Variants in ANTXR2 observed in about 807,000 individuals in gnomAD.
ANTXR2 encodes anthrax toxin receptor 2.
ANTXR2 carries 44 observed loss-of-function variants against 73.7 expected under a neutral mutation model. That is an observed-to-expected ratio of 0.60 (90% CI 0.47 to 0.77). The LOEUF is 0.77. Ranked by LOEUF, ANTXR2 falls within the 30% of genes least tolerant of loss-of-function variation. The pLI is 0.00. For missense variants in ANTXR2, 604 were observed against 592.5 expected (o/e 1.02, Z -0.20); for synonymous variants, 217 against 205.9 (o/e 1.05, Z -0.46).
chr4:80,025,258 T>C (rs972478347), intron 10 of ANTXR2, among the ~76,000 whole-genome samples: 3 of 152,216 alleles, frequency 2.0e-5, no homozygotes, highest in Admixed American at 2.0e-4. Context: ...CACATACTTC[T>C]ATTTAATGTC....
In ANTXR2 at chr4:80,072,881, G is replaced by T; in HGVS notation, c.-321C>A. 2.8e-6 allele frequency: 1 copy of T among 360,718 alleles called. No homozygotes were observed. Among genetic ancestry groups the T allele is most frequent in the Non-Finnish European group, 4.4e-6 (1 of 227,616 alleles). 22.3% of individuals were successfully genotyped at this position (360,718 alleles called of 1,614,324 possible). ...ATGCGGGCCCACGGCGACAGCTCGC[G>T]AAAGGAGTTCCTCTCCGGCCTGGGG... On this transcript the variant is annotated 5_prime_UTR_variant, in exon 1 of 17. Coordinates refer to ENST00000403729, the MANE Select transcript of ANTXR2 (RefSeq NM_058172.6).
At chr4:79,981,287 A>C (rs1729878426) in intron 14 of ANTXR2, among the ~76,000 whole-genome samples, 1 of 152,214 alleles carries the variant, frequency 6.6e-6, no homozygotes, top group Non-Finnish European at 1.5e-5. Flanking sequence ...AAAACCTGAA[A>C]CCCATGAAGT....
intron 11 of ANTXR2, among the ~76,000 whole-genome samples, chr4:80,016,375 T>C (rs538977122): frequency 1.3e-5 from 2 of 152,248 alleles, no homozygotes; most frequent in African/African-American, 4.8e-5. Context: ...CCATCCCCTT[T>C]CTTTGCTGAC....
chr4:80,058,359 C>A (rs1398432481), intron 3 of ANTXR2, among the ~76,000 whole-genome samples: 1 of 152,024 alleles, frequency 6.6e-6, no homozygotes, highest in African/African-American at 2.4e-5. Flanking sequence ...CACTCAATCC[C>A]ATCATTACTT....
chr4:79,992,231 G>GTC (rs1400418116), intron 12 of ANTXR2, among the ~76,000 whole-genome samples: 1 of 151,862 alleles, frequency 6.6e-6, no homozygotes, highest in African/African-American at 2.4e-5. Flanking sequence ...ACATATATTA[G>GTC]TCTCTCTCTT....
At chr4:80,047,486 G>A (rs1360122849) in intron 7 of ANTXR2, among the ~76,000 whole-genome samples, 1 of 151,628 alleles carries the variant, frequency 6.6e-6, no homozygotes, top group Admixed American at 6.6e-5. Context: ...TATGAATAGT[G>A]CTCCTTTCTA....
chr4:80,041,626 C>G (rs1225593690), intron 7 of ANTXR2, among the ~76,000 whole-genome samples: 2 of 151,984 alleles, frequency 1.3e-5, no homozygotes, highest in Non-Finnish European at 2.9e-5. Flanking sequence ...CTCCCCACCC[C>G]ACCCTCAACA....
chr4:79,949,558 C>T (rs1350602744), intron 16 of ANTXR2, among the ~76,000 whole-genome samples: 1 of 152,106 alleles, frequency 6.6e-6, no homozygotes, highest in Non-Finnish European at 1.5e-5. Context: ...TCTTCAGTGG[C>T]CCAAGAATTT....
intron 16 of ANTXR2, among the ~76,000 whole-genome samples, chr4:79,953,398 C>T (rs1330035326): frequency 1.3e-5 from 2 of 152,046 alleles, no homozygotes; most frequent in Non-Finnish European, 2.9e-5. Flanking sequence ...AGTAAATTCA[C>T]AGTAAATTTA....
intron 7 of ANTXR2, among the ~76,000 whole-genome samples, chr4:80,048,656 G>A (rs1014019217): frequency 6.6e-6 from 1 of 151,608 alleles, no homozygotes; most frequent in Admixed American, 6.6e-5. Context: ...GTGTTTATTA[G>A]GTTCCCTCTT....
chr4:79,991,867 C>A (rs1730486673), intron 12 of ANTXR2, among the ~76,000 whole-genome samples: 1 of 152,030 alleles, frequency 6.6e-6, no homozygotes, highest in South Asian at 2.1e-4. Flanking sequence ...AAACCAAGTA[C>A]TACAGGTTCT....
At chr4:80,008,074 T>C (rs758842381) in intron 12 of ANTXR2, among the ~76,000 whole-genome samples, 18 of 152,144 alleles carry the variant, frequency 1.2e-4, no homozygotes, top group Non-Finnish European at 2.5e-4. Flanking sequence ...GCATGACTAA[T>C]TTCCGAACAA....
chr4:80,027,075 T>C (rs961567664), intron 10 of ANTXR2, among the ~76,000 whole-genome samples: 5 of 152,144 alleles, frequency 3.3e-5, no homozygotes, highest in Non-Finnish European at 7.4e-5. Context: ...ATGATTCTAA[T>C]GTTCATATTC....
chr4:80,020,351 A>C (rs1293875072), intron 10 of ANTXR2, among the ~76,000 whole-genome samples: 1 of 152,038 alleles, frequency 6.6e-6, no homozygotes, highest in Non-Finnish European at 1.5e-5. Context: ...GAGCCACTGC[A>C]CTCCAGCTTC....
chr4:79,936,993 A>C (rs977482479), intron 16 of ANTXR2, among the ~76,000 whole-genome samples: 2 of 152,190 alleles, frequency 1.3e-5, no homozygotes, highest in Admixed American at 1.3e-4. Flanking sequence ...GTATTCATTC[A>C]ATCATTTTAA....
chr4:79,937,210 G>T (rs1311924211), intron 16 of ANTXR2, among the ~76,000 whole-genome samples: 2 of 151,934 alleles, frequency 1.3e-5, no homozygotes, highest in Non-Finnish European at 2.9e-5. Context: ...TATTCTTAAT[G>T]AAGCAATTGC....
intron 4 of ANTXR2, 50 bp downstream of exon 4, chr4:80,055,882 C>G: frequency 7.7e-7 from 1 of 1,304,762 alleles, no homozygotes; most frequent in Non-Finnish European, 1.0e-6. Flanking sequence ...TATTTCACCA[C>G]AGAATAAGAA....
chr4:79,995,890 A>G (rs1010679817), intron 12 of ANTXR2, among the ~76,000 whole-genome samples: 1 of 152,024 alleles, frequency 6.6e-6, no homozygotes, highest in African/African-American at 2.4e-5. Context: ...AACCACCATC[A>G]CAACAAATAA....
chr4:79,929,042 A>G (rs1235031324), intron 16 of ANTXR2, among the ~76,000 whole-genome samples: 3 of 152,172 alleles, frequency 2.0e-5, no homozygotes, highest in Admixed American at 6.6e-5. Context: ...CTAATAATTT[A>G]GAGTGCGGGG....
Sources: gnomAD v4.1 joint callset for allele counts (sites outside exome capture counted in the v4.1 genomes callset) on GRCh38, gnomAD v4.1.1 for gene constraint, MANE v1.5 for transcripts, NCBI Gene and HGNC (gene_info 2026-07-23, HGNC 2026-07-21) for gene names.